Variants in TRPC5 observed in about 807,000 individuals in gnomAD.
TRPC5 encodes short transient receptor potential channel 5.
In TRPC5, 9 loss-of-function variants were observed where a neutral mutation model predicts 56.5. The observed-to-expected ratio is 0.16, with a 90% CI of 0.10 to 0.28. TRPC5 has a LOEUF of 0.28. Among genes scored for constraint, TRPC5 ranks in the 10% least tolerant of loss-of-function variants. TRPC5 has a pLI of 1.00. For synonymous variants in TRPC5, 282 were observed against 278.5 expected, an observed-to-expected ratio of 1.01 and a Z score of -0.13; for missense variants, 469 against 748.9, an observed-to-expected ratio of 0.63 and a Z score of 4.36.
At chrX:111,887,298 C>G (rs1382191647) in intron 3 of TRPC5, among the ~76,000 whole-genome samples, 1 of 112,408 alleles carries the variant, frequency 8.9e-6, no homozygotes, top group Non-Finnish European at 1.9e-5. Context: ...TGCTTTCTTT[C>G]TTTCTTGGAG....
intron 3 of TRPC5, among the ~76,000 whole-genome samples, chrX:111,857,329 T>C (rs1923268815): frequency 9.0e-6 from 1 of 110,633 alleles, no homozygotes; most frequent in African/African-American, 3.3e-5. Context: ...TGAAATGCAG[T>C]GAGGAGGTAG....
chrX:111,996,937 G>T (rs1418154021), intron 1 of TRPC5, among the ~76,000 whole-genome samples: 1 of 111,367 alleles, frequency 9.0e-6, no homozygotes, highest in African/African-American at 3.3e-5. Context: ...ACACTGATGG[G>T]TCTTGGCTCT....
intron 1 of TRPC5, among the ~76,000 whole-genome samples, chrX:111,989,129 T>C (rs1928287437): frequency 8.9e-6 from 1 of 111,878 alleles, no homozygotes; most frequent in Non-Finnish European, 1.9e-5. Context: ...CCATAATGAC[T>C]TTGTTCTAGC....
chrX:111,907,813 C>T (rs1466198140), intron 3 of TRPC5, among the ~76,000 whole-genome samples: 18 of 110,314 alleles, frequency 1.6e-4, no homozygotes, highest in Non-Finnish European at 1.9e-5. Context: ...AAAATCATGA[C>T]TTTTTTATGC....
chrX:111,907,125 A>G (rs1332505141), intron 3 of TRPC5, among the ~76,000 whole-genome samples: 1 of 109,861 alleles, frequency 9.1e-6, no homozygotes, highest in Non-Finnish European at 1.9e-5. Context: ...AAAAAAAAAA[A>G]AAAGAAAATG....
At chrX:111,968,236 A>C (rs1217880564) in intron 1 of TRPC5, among the ~76,000 whole-genome samples, 2 of 111,425 alleles carry the variant, frequency 1.8e-5, no homozygotes, top group African/African-American at 6.5e-5. Flanking sequence ...GCTCATCATC[A>C]CTGGCCATCA....
chrX:111,784,854 A>T (rs1945948345), intron 7 of TRPC5, among the ~76,000 whole-genome samples: 1 of 112,611 alleles, frequency 8.9e-6, no homozygotes, highest in South Asian at 3.7e-4. Flanking sequence ...GCAAGGCGGC[A>T]GCCTGGCTGG....
intron 1 of TRPC5, among the ~76,000 whole-genome samples, chrX:112,019,793 G>A (rs890728403): frequency 2.7e-5 from 3 of 111,205 alleles, no homozygotes; most frequent in Non-Finnish European, 5.7e-5. Context: ...AAGCCTTCTG[G>A]TAGTGATCAT....
At chrX:111,973,407 T>C (rs111847261) in intron 1 of TRPC5, among the ~76,000 whole-genome samples, 1 of 112,254 alleles carries the variant, frequency 8.9e-6, no homozygotes, top group African/African-American at 3.2e-5. Context: ...TCAAGATCTT[T>C]AGTAATGAAT....
Position 111,864,463 on chromosome X carries a change from T to C in TRPC5, c.901-10357A>G, listed in dbSNP as rs1266914904. ...ACTATTGGTACTGAGTCAGATCACA[T>C]GAAGACCAGTCCTGGGAATTGGGCT... On this transcript the variant is annotated intron_variant, in intron 3 of 10. Transcript: ENST00000262839. Among the ~76,000 whole-genome samples the C allele has an allele frequency of 2.7e-5, 3 of 112,375 alleles. No individual in the cohort carries two copies. In the Admixed American group the frequency reaches 2.8e-4, roughly 11 times the overall value.
rs1364324006 is a variant in TRPC5 at position 111,952,343 on chromosome X, C to T, written c.78G>A (p.Glu26=). The T allele has an allele frequency of 2.5e-6, 3 of 1,210,436 alleles. No homozygotes were observed. The Admixed American group carries it at 6.5e-5, about 26-fold the overall frequency. ...CCTTCTCCTCTGCAGAGAGCTCTGTCTCAGCCCTCACAATTTGCAGGGGGA... is the reference window on the plus strand; with the variant it reads ...CCTTCTCCTCTGCAGAGAGCTCTGTTTCAGCCCTCACAATTTGCAGGGGGA... ...DRIPLQIVRA[E]TELSAEEKAF... The change falls in exon 2 of 11, where the codon GAG becomes GAA. Residue 26 remains glutamate (E), a synonymous_variant. Transcript: ENST00000262839.
intron 9 of TRPC5, among the ~76,000 whole-genome samples, chrX:111,780,426 A>T (rs1363018642): frequency 9.0e-6 from 1 of 110,521 alleles, no homozygotes. Flanking sequence ...CCTGTTATAT[A>T]TATTACCATT....
At chrX:111,827,485 C>T (rs192168484) in intron 7 of TRPC5, among the ~76,000 whole-genome samples, 2 of 111,401 alleles carry the variant, frequency 1.8e-5, no homozygotes, top group South Asian at 3.8e-4. Context: ...CCCGACCAGG[C>T]CTGCTCCTTT....
chrX:111,964,057 A>G (rs1324201085), intron 1 of TRPC5, among the ~76,000 whole-genome samples: 2 of 111,616 alleles, frequency 1.8e-5, no homozygotes, highest in Non-Finnish European at 3.8e-5. Context: ...ACCAATAGCA[A>G]AGAAGTTAAG....
At chrX:111,839,570 G>A (rs990322723) in intron 6 of TRPC5, among the ~76,000 whole-genome samples, 1 of 111,508 alleles carries the variant, frequency 9.0e-6, no homozygotes, top group Non-Finnish European at 1.9e-5. Context: ...GTTGTCCCTC[G>A]ATATCTGCAA....
At chrX:112,078,277 C>T (rs951755149) in intron 1 of TRPC5, among the ~76,000 whole-genome samples, 3 of 111,687 alleles carry the variant, frequency 2.7e-5, no homozygotes, top group African/African-American at 9.8e-5. Context: ...GATATGACAG[C>T]AGCATATAAT....
At chrX:111,887,485 C>T (rs1924565983) in intron 3 of TRPC5, among the ~76,000 whole-genome samples, 2 of 112,048 alleles carry the variant, frequency 1.8e-5, no homozygotes, top group Non-Finnish European at 3.8e-5. Flanking sequence ...GGTCTTTCCT[C>T]AAGGACTACA....
chrX:111,849,887 C>G (rs1416958971), intron 5 of TRPC5, among the ~76,000 whole-genome samples: 1 of 111,996 alleles, frequency 8.9e-6, no homozygotes, highest in African/African-American at 3.2e-5. Context: ...TCTCCTGACT[C>G]TTGAGTTAGT....
intron 1 of TRPC5, among the ~76,000 whole-genome samples, chrX:112,028,791 A>G (rs1410577632): frequency 3.6e-5 from 4 of 112,001 alleles, no homozygotes; most frequent in Non-Finnish European, 7.5e-5. Flanking sequence ...GTATATACCC[A>G]GTAATGGGAT....
Sources: gnomAD v4.1 joint callset for allele counts (sites outside exome capture counted in the v4.1 genomes callset) on GRCh38, gnomAD v4.1.1 for gene constraint, MANE v1.5 for transcripts, NCBI Gene and HGNC (gene_info 2026-07-23, HGNC 2026-07-21) for gene names.